DMRT1: variants seen among roughly 807,000 people sequenced by gnomAD.
DMRT1 encodes doublesex- and mab-3-related transcription factor 1.
DMRT1 carries 7 observed loss-of-function variants against 32.3 expected under a neutral mutation model. The observed-to-expected ratio is 0.22, with a 90% CI of 0.12 to 0.41. The LOEUF (loss-of-function observed/expected upper bound fraction) is 0.41, where lower values mean the gene tolerates loss of function less well. DMRT1 is among the 10% of genes least tolerant of loss of function. DMRT1 has a pLI of 1.00. For missense variants in DMRT1, 625 were observed against 500.5 expected (o/e 1.25, Z -2.37); for synonymous variants, 278 against 206.1 (o/e 1.35, Z -2.99).
At chr9:929,213 C>T (rs1311627538) in intron 4 of DMRT1, among the ~76,000 whole-genome samples, 1 of 152,156 alleles carries the variant, frequency 6.6e-6, no homozygotes, top group Admixed American at 6.6e-5. Context: ...CTCTGAAACA[C>T]CCTGGGATAG....
intron 3 of DMRT1, among the ~76,000 whole-genome samples, chr9:899,084 A>G (rs1160985915): frequency 2.0e-5 from 3 of 152,088 alleles, no homozygotes; most frequent in Non-Finnish European, 4.4e-5. Flanking sequence ...AATGCTAACT[A>G]ATTTTTGTAT....
chr9:944,071 C>G (rs557881324), intron 4 of DMRT1, among the ~76,000 whole-genome samples: 4 of 152,306 alleles, frequency 2.6e-5, no homozygotes, highest in Middle Eastern at 3.4e-3. Context: ...AATTTCTTCC[C>G]CTCTCTAAAC....
At position 871,671 on chromosome 9, in the gene DMRT1, T is replaced by G. The variant is rs527430126; in HGVS notation, c.539-22241T>G. Among the ~76,000 whole-genome samples, 381 of 150,638 alleles carry G rather than the reference T, an allele frequency of 2.5e-3. 7 individuals are homozygous for G. The highest frequency in any genetic ancestry group is 9.3e-3 in the African/African-American group (373 of 40,322). On this transcript the variant is annotated intron_variant, in intron 2 of 4. Coordinates refer to ENST00000382276, the MANE Select transcript of DMRT1 (RefSeq NM_021951.3). ...TTGTATTTTTAGTAGAGACGGGGTTTCACCGTGTTAGCCAGGATGGTCTCA... is the reference window on the plus strand; with the variant it reads ...TTGTATTTTTAGTAGAGACGGGGTTGCACCGTGTTAGCCAGGATGGTCTCA...
chr9:947,092 G>A (rs1194239234), intron 4 of DMRT1, among the ~76,000 whole-genome samples: 1 of 152,194 alleles, frequency 6.6e-6, no homozygotes, highest in African/African-American at 2.4e-5. Context: ...GCTGAAGGAT[G>A]GAGGAATTGA....
intron 4 of DMRT1, among the ~76,000 whole-genome samples, chr9:931,007 TTA>T (rs1491314729): frequency 1.3e-5 from 2 of 152,148 alleles, no homozygotes; most frequent in Non-Finnish European, 2.9e-5. Context: ...AATCCCCATA[TTA>T]CTCCCATTTC....
chr9:931,685 G>C (rs1304331134), intron 4 of DMRT1, among the ~76,000 whole-genome samples: 1 of 152,156 alleles, frequency 6.6e-6, no homozygotes, highest in African/African-American at 2.4e-5. Flanking sequence ...GACACAGAGA[G>C]AGAATGGAAT....
At chr9:860,154 G>C (rs988953458) in intron 2 of DMRT1, among the ~76,000 whole-genome samples, 1 of 152,004 alleles carries the variant, frequency 6.6e-6, no homozygotes, top group Non-Finnish European at 1.5e-5. Flanking sequence ...AAAATTAGCC[G>C]GGCGTGGTGG....
chr9:841,702 A>G lies in DMRT1; in HGVS notation c.-137A>G, dbSNP rs1838685413. 1.3e-6 allele frequency: 2 copies of G among 1,525,618 alleles called. No individual in the cohort carries two copies. The highest frequency in any genetic ancestry group is 1.8e-6 in the Non-Finnish European group (2 of 1,132,752). The allele number at this position is 1,525,618 out of a possible 1,614,324, so 94.5% of individuals were successfully genotyped here. A position where few individuals can be genotyped will look rare whatever the true frequency, so the allele number is the denominator to read the frequency against. On this transcript the variant is annotated 5_prime_UTR_variant, in exon 1 of 5. Transcript: ENST00000382276. ...TGGCGTGCCCAGACCTCGCCACTCC[A>G]GCTGCGCCTCCGGCTGCAGCGCACA... is the stretch of plus-strand genomic sequence containing the variant.
chr9:895,980 T>A (rs146507148), intron 3 of DMRT1, among the ~76,000 whole-genome samples: 3,962 of 151,622 alleles, frequency 0.026, 139 homozygotes, highest in African/African-American at 0.09. Flanking sequence ...AATTTTTGTA[T>A]TTTTAGTAGA....
chr9:879,450 T>C (rs1391626840), intron 2 of DMRT1, among the ~76,000 whole-genome samples: 2 of 152,198 alleles, frequency 1.3e-5, no homozygotes, highest in Non-Finnish European at 2.9e-5. Flanking sequence ...TTTGGCTTAA[T>C]AGGATGTAGG....
At chr9:959,982 C>CTGGACA (rs1467297774) in intron 4 of DMRT1, among the ~76,000 whole-genome samples, 16 of 152,246 alleles carry the variant, frequency 1.1e-4, no homozygotes, top group Admixed American at 1.0e-3. Context: ...CTGCACTGTG[C>CTGGACA]TGGACATGGA....
intron 2 of DMRT1, among the ~76,000 whole-genome samples, chr9:850,402 C>T (rs972924792): frequency 2.0e-5 from 3 of 152,130 alleles, no homozygotes; most frequent in African/African-American, 4.8e-5. Context: ...AGATAGCTTC[C>T]TACTAACAAA....
At chr9:885,717 C>G (rs994746400) in intron 2 of DMRT1, among the ~76,000 whole-genome samples, 1 of 152,174 alleles carries the variant, frequency 6.6e-6, no homozygotes, top group African/African-American at 2.4e-5. Flanking sequence ...GGTGGGAAGG[C>G]AGAAGTGCCT....
chr9:915,553 C>T lies in DMRT1; in HGVS notation c.823-1210C>T, dbSNP rs780565303. 7.1e-4 allele frequency among the ~76,000 whole-genome samples: 108 copies of T among 152,128 alleles called. 1 individual carries two copies. The highest frequency in any genetic ancestry group is 4.8e-3 in the South Asian group (23 of 4,812). On this transcript the variant is annotated intron_variant, in intron 3 of 4. Coordinates refer to ENST00000382276, the MANE Select transcript of DMRT1 (RefSeq NM_021951.3). Reference sequence around the variant, plus strand: ...ACTGCCTTCCGAGTTTTGCTCTGCCCCATGTGTCCAGTTAGCAGAAGCCAA... The same window carrying T: ...ACTGCCTTCCGAGTTTTGCTCTGCCTCATGTGTCCAGTTAGCAGAAGCCAA...
chr9:881,522 A>G (rs1449030917), intron 2 of DMRT1, among the ~76,000 whole-genome samples: 1 of 152,114 alleles, frequency 6.6e-6, no homozygotes, highest in African/African-American at 2.4e-5. Flanking sequence ...AGCAAACTTA[A>G]ACATGTATCT....
intron 4 of DMRT1, among the ~76,000 whole-genome samples, chr9:956,241 G>C (rs1034441563): frequency 6.6e-6 from 1 of 152,250 alleles, no homozygotes; most frequent in Non-Finnish European, 1.5e-5. Flanking sequence ...GAGCCAGAAA[G>C]TAGAATGGTG....
chr9:843,765 T>C lies in DMRT1; in HGVS notation c.354+1573T>C, dbSNP rs986288143. On this transcript the variant is annotated intron_variant, in intron 1 of 4. Transcript: ENST00000382276. ...ATTAGGAACGTGTAAATATCCTCCA[T>C]TGAAAACAAATGCCCGAAGGTTATA... Among the ~76,000 whole-genome samples the C allele has an allele frequency of 2.0e-5, 3 of 152,246 alleles. No individual in the cohort carries two copies. The East Asian group carries it at 5.8e-4, about 29-fold the overall frequency.
At chr9:966,350 T>TA (rs546384538) in intron 4 of DMRT1, among the ~76,000 whole-genome samples, 64 of 151,576 alleles carry the variant, frequency 4.2e-4, no homozygotes, top group African/African-American at 1.2e-3. Context: ...CCCTTTAAAT[T>TA]AAAAAAAAAT....
Position 854,603 on chromosome 9 carries a change from G to C in DMRT1, c.538+7460G>C, listed in dbSNP as rs551355655. Among the ~76,000 whole-genome samples the C allele has an allele frequency of 9.2e-5, 14 of 152,232 alleles. No homozygotes were observed. The East Asian group carries it at 2.5e-3, about 27-fold the overall frequency. On this transcript the variant is annotated intron_variant, in intron 2 of 4. Transcript: ENST00000382276. Reference sequence around the variant, plus strand: ...TTGGATTGAGACTTTATTTTTGAAAGAGTCTGGCCACTTAAGTGAAATGAG... The same window carrying C: ...TTGGATTGAGACTTTATTTTTGAAACAGTCTGGCCACTTAAGTGAAATGAG...
Sources: gnomAD v4.1 joint callset for allele counts (sites outside exome capture counted in the v4.1 genomes callset) on GRCh38, gnomAD v4.1.1 for gene constraint, MANE v1.5 for transcripts, NCBI Gene and HGNC (gene_info 2026-07-23, HGNC 2026-07-21) for gene names.